PHF24: variants seen among roughly 807,000 people sequenced by gnomAD.
PHF24 encodes PHD finger protein 24.
Under a neutral mutation model 42.6 loss-of-function variants are expected in PHF24, and 25 were observed. The ratio of observed to expected loss-of-function variants is 0.59; its 90% confidence interval spans 0.43 to 0.82. The LOEUF is 0.82. Among genes scored for constraint, PHF24 ranks in the 40% least tolerant of loss-of-function variants. The pLI, the probability that PHF24 is intolerant of heterozygous loss-of-function variation, is 0.00. For synonymous variants in PHF24, 185 were observed against 204.8 expected, an observed-to-expected ratio of 0.90 and a Z score of 0.83; for missense variants, 470 against 538.1, an observed-to-expected ratio of 0.87 and a Z score of 1.25.
the PHF24 span, among the ~76,000 whole-genome samples, chr9:34,847,941 T>G: frequency 3.8e-4 from 58 of 152,308 alleles, 1 homozygote; most frequent in Admixed American, 2.7e-3. Flanking sequence ...TGCATCCCAG[T>G]GATGAAGCCC....
the PHF24 span, among the ~76,000 whole-genome samples, chr9:34,811,063 A>G: frequency 6.6e-6 from 1 of 152,226 alleles, no homozygotes; most frequent in Admixed American, 6.5e-5. Flanking sequence ...TAGGCACTAT[A>G]CTAGGTATGT....
the PHF24 span, among the ~76,000 whole-genome samples, chr9:34,911,941 G>A: frequency 6.6e-6 from 1 of 152,168 alleles, no homozygotes; most frequent in Non-Finnish European, 1.5e-5. Context: ...CGATCCAAAG[G>A]CAACCTGAGT....
the PHF24 span, among the ~76,000 whole-genome samples, chr9:34,942,756 A>G: frequency 3.3e-5 from 5 of 152,146 alleles, no homozygotes; most frequent in Non-Finnish European, 5.9e-5. Context: ...AAGGACAGAA[A>G]ACCAGACATG....
the PHF24 span, among the ~76,000 whole-genome samples, chr9:34,773,306 A>G: frequency 2.0e-5 from 3 of 152,132 alleles, no homozygotes; most frequent in African/African-American, 7.2e-5. Flanking sequence ...TTGGTTTTTA[A>G]TACCATCCTC....
At chr9:34,886,750 A>ATCTGTCTGTCTG in the PHF24 span, among the ~76,000 whole-genome samples, 86 of 146,680 alleles carry the variant, frequency 5.9e-4, no homozygotes, top group African/African-American at 1.2e-3. Context: ...CTATCTATCT[A>ATCTGTCTGTCTG]TCTATCTGTC....
At chr9:34,665,621 C>T in the PHF24 span, 1 of 701,458 alleles carries the variant, frequency 1.4e-6, no homozygotes, top group Non-Finnish European at 2.6e-6. Flanking sequence ...ACTCCTCCTC[C>T]GCCTCCAGCG....
the PHF24 span, among the ~76,000 whole-genome samples, chr9:34,805,381 T>A: frequency 6.6e-6 from 1 of 152,238 alleles, no homozygotes; most frequent in African/African-American, 2.4e-5. Flanking sequence ...GTTATCTGAC[T>A]TTTTGATTCT....
At chr9:34,776,389 A>G in the PHF24 span, among the ~76,000 whole-genome samples, 3 of 152,054 alleles carry the variant, frequency 2.0e-5, no homozygotes, top group Admixed American at 1.3e-4. Context: ...TGCTCATTCT[A>G]TTATATCCTT....
chr9:34,673,795 G>C, the PHF24 span, among the ~76,000 whole-genome samples: 2 of 152,082 alleles, frequency 1.3e-5, no homozygotes, highest in African/African-American at 4.8e-5. Flanking sequence ...CTAATTTTTT[G>C]TATTTTTAGT....
At chr9:34,809,038 A>T in the PHF24 span, among the ~76,000 whole-genome samples, 13 of 98,866 alleles carry the variant, frequency 1.3e-4, no homozygotes, top group South Asian at 3.9e-4. The surrounding 1 kb of genome is among the most constrained non-coding windows in gnomAD (Gnocchi z 4.1). Context: ...AAAGTATAAT[A>T]AAAAAAAAAA....
At chr9:34,936,082 C>CTCTCCCTCTCTTTCCACGG in the PHF24 span, among the ~76,000 whole-genome samples, 1 of 151,758 alleles carries the variant, frequency 6.6e-6, no homozygotes, top group Admixed American at 6.6e-5. Context: ...CACGGTCTCC[C>CTCTCCCTCTCTTTCCACGG]TCTCCCTCTC....
At chr9:34,967,126 T>G (rs1383958107) in intron 1 of PHF24, among the ~76,000 whole-genome samples, 2 of 152,184 alleles carry the variant, frequency 1.3e-5, no homozygotes, top group African/African-American at 4.8e-5. Flanking sequence ...AGAGGTATAT[T>G]AGTAGCTGTC....
At chr9:34,908,887 G>A in the PHF24 span, among the ~76,000 whole-genome samples, 1 of 138,650 alleles carries the variant, frequency 7.2e-6, no homozygotes, top group Non-Finnish European at 1.5e-5. Flanking sequence ...TCACGTCGTC[G>A]CCTGGGCTGG....
At chr9:34,863,834 A>C in the PHF24 span, among the ~76,000 whole-genome samples, 1 of 152,268 alleles carries the variant, frequency 6.6e-6, no homozygotes, top group Admixed American at 6.5e-5. Flanking sequence ...GGAAACAGAG[A>C]TATGTGATCT....
At chr9:34,858,251 T>C in the PHF24 span, among the ~76,000 whole-genome samples, 1 of 152,192 alleles carries the variant, frequency 6.6e-6, no homozygotes, top group Non-Finnish European at 1.5e-5. Context: ...AAGATATATT[T>C]CAATCTTTGC....
the PHF24 span, among the ~76,000 whole-genome samples, chr9:34,740,413 G>A: frequency 7.9e-5 from 12 of 152,224 alleles, no homozygotes; most frequent in African/African-American, 2.4e-4. Flanking sequence ...GCAAGAAATC[G>A]AGCGCAGCGC....
the PHF24 span, among the ~76,000 whole-genome samples, chr9:34,847,648 G>A: frequency 6.6e-4 from 100 of 151,910 alleles, no homozygotes; most frequent in African/African-American, 2.1e-3. Context: ...TTGAATAGGA[G>A]TGGTGAGAGA....
At chr9:34,700,994 A>G in the PHF24 span, among the ~76,000 whole-genome samples, 1 of 152,210 alleles carries the variant, frequency 6.6e-6, no homozygotes, top group African/African-American at 2.4e-5. Context: ...TTCTGACCAC[A>G]GGTACAGAGG....
chr9:34,665,655 G>C, the PHF24 span: 1 of 700,294 alleles, frequency 1.4e-6, no homozygotes, highest in Non-Finnish European at 2.6e-6. Flanking sequence ...CCTCATTCCC[G>C]ACATGTCCTG....
Sources: allele counts gnomAD v4.1 joint callset (sites outside exome capture counted in the v4.1 genomes callset), GRCh38; gene constraint gnomAD v4.1.1; non-coding constraint Gnocchi (gnomAD v3.1); transcripts MANE v1.5; gene names NCBI Gene and HGNC (gene_info 2026-07-23, HGNC 2026-07-21).